PRKCQ: variants seen among roughly 807,000 people sequenced by gnomAD.
PRKCQ encodes protein kinase C theta type.
PRKCQ carries 41 observed loss-of-function variants against 91.2 expected under a neutral mutation model. That is an observed-to-expected ratio of 0.45 (90% CI 0.35 to 0.58). The LOEUF is 0.58. Among genes scored for constraint, PRKCQ ranks in the 20% least tolerant of loss-of-function variants. The probability of loss-of-function intolerance (pLI) is 0.00; values close to 1 mark genes in which losing one functional copy is unlikely to be tolerated. For missense variants in PRKCQ, 673 were observed against 896.5 expected (o/e 0.75, Z 3.18); for synonymous variants, 307 against 316.9 (o/e 0.97, Z 0.33).
chr10:6,411,257 A>G, the PRKCQ span, among the ~76,000 whole-genome samples: 1 of 152,298 alleles, frequency 6.6e-6, no homozygotes, highest in East Asian at 1.9e-4. Context: ...TATAGTCATT[A>G]TGGAGATTAA....
chr10:6,559,985 C>T (rs1010910978), intron 1 of PRKCQ, among the ~76,000 whole-genome samples: 40 of 152,070 alleles, frequency 2.6e-4, no homozygotes, highest in African/African-American at 6.8e-4. Flanking sequence ...TATTGTCTTT[C>T]TACTCCAAAA....
At chr10:6,512,069 C>T (rs116751258) in intron 2 of PRKCQ, 79 of 152,322 alleles carry the variant, frequency 5.2e-4, no homozygotes, top group African/African-American at 1.9e-3. Flanking sequence ...TAAACATAGT[C>T]AATACAAAAC....
intron 10 of PRKCQ, among the ~76,000 whole-genome samples, 174 bp from the exon 11 acceptor site, chr10:6,483,774 G>A (rs1836746517): frequency 1.3e-5 from 2 of 152,176 alleles, no homozygotes; most frequent in South Asian, 2.1e-4. Context: ...CCATCTGTCT[G>A]TGAGGGCAGC....
intron 4 of PRKCQ, among the ~76,000 whole-genome samples, chr10:6,500,003 C>T (rs965186709): frequency 6.6e-6 from 1 of 152,196 alleles, no homozygotes; most frequent in African/African-American, 2.4e-5. Context: ...AAAGCATTTC[C>T]AGTAACCCTC....
chr10:6,517,133 G>GT (rs1385999918), intron 1 of PRKCQ, among the ~76,000 whole-genome samples: 1 of 152,124 alleles, frequency 6.6e-6, no homozygotes, highest in Admixed American at 6.5e-5. Flanking sequence ...TCAGGTGTGA[G>GT]TTTTTCAGGC....
the PRKCQ span, among the ~76,000 whole-genome samples, chr10:6,395,593 G>A: frequency 4.3e-3 from 658 of 152,172 alleles, 4 homozygotes; most frequent in African/African-American, 0.015. Context: ...CTAATCTTGT[G>A]GCTAATTTCT....
intron 1 of PRKCQ, among the ~76,000 whole-genome samples, chr10:6,565,634 C>T (rs1411320855): frequency 1.3e-5 from 2 of 152,162 alleles, no homozygotes; most frequent in Non-Finnish European, 1.5e-5. Context: ...TCTCCTAAAG[C>T]ACTTTTAGTC....
intron 13 of PRKCQ, 116 bp downstream of exon 13, chr10:6,464,197 C>T (rs1564320573): frequency 1.1e-6 from 1 of 877,978 alleles, no homozygotes; most frequent in Non-Finnish European, 1.9e-6. Context: ...CGATGTATTC[C>T]CAAGGGTTCA....
chr10:6,404,435 T>C, the PRKCQ span, among the ~76,000 whole-genome samples: 4 of 148,744 alleles, frequency 2.7e-5, no homozygotes, highest in Non-Finnish European at 6.0e-5. Flanking sequence ...TTTCTTTCTC[T>C]CTTTCTTTCT....
chr10:6,543,089 C>A (rs1005761695), intron 1 of PRKCQ, among the ~76,000 whole-genome samples: 1 of 152,198 alleles, frequency 6.6e-6, no homozygotes, highest in African/African-American at 2.4e-5. Flanking sequence ...GGGCCCTGCC[C>A]TCCCTGGAGA....
intron 3 of PRKCQ, 106 bp from the exon 4 acceptor site, chr10:6,507,602 C>A (rs2130849231): frequency 3.1e-6 from 3 of 966,550 alleles, no homozygotes; most frequent in South Asian, 2.6e-5. Flanking sequence ...CCACAGAATA[C>A]AATCATTGTT....
At chr10:6,513,063 A>G (rs531432616) in intron 2 of PRKCQ, among the ~76,000 whole-genome samples, 2 of 152,322 alleles carry the variant, frequency 1.3e-5, no homozygotes, top group East Asian at 3.9e-4. Flanking sequence ...TCCCCAAAGC[A>G]AGGCACTTTT....
At chr10:6,420,280 C>A in the PRKCQ span, among the ~76,000 whole-genome samples, 2 of 152,180 alleles carry the variant, frequency 1.3e-5, no homozygotes, top group African/African-American at 4.8e-5. Context: ...CACACCATGC[C>A]TTCGAATCTG....
intron 1 of PRKCQ, among the ~76,000 whole-genome samples, chr10:6,579,993 G>A (rs899153020): frequency 5.3e-5 from 8 of 152,080 alleles, no homozygotes; most frequent in African/African-American, 1.9e-4. Context: ...CCAGCATCCC[G>A]CATCCCGTGC....
chr10:6,439,688 A>G (rs1833870925), intron 16 of PRKCQ, among the ~76,000 whole-genome samples: 1 of 102,774 alleles, frequency 9.7e-6, no homozygotes, highest in South Asian at 2.5e-4. Flanking sequence ...TTCTTAATAG[A>G]ATTTTCTTCT....
At chr10:6,403,399 G>A in the PRKCQ span, among the ~76,000 whole-genome samples, 1 of 152,146 alleles carries the variant, frequency 6.6e-6, no homozygotes, top group African/African-American at 2.4e-5. Flanking sequence ...AATGATCCAG[G>A]CAGCTTGGTT....
intron 16 of PRKCQ, among the ~76,000 whole-genome samples, chr10:6,440,303 G>C (rs754692528): frequency 5.9e-5 from 9 of 152,234 alleles, no homozygotes; most frequent in Non-Finnish European, 1.2e-4. Context: ...CAGTGAGAGA[G>C]TCTTGCAGAA....
chr10:6,460,051 C>A (rs964011594), intron 14 of PRKCQ, among the ~76,000 whole-genome samples: 1 of 152,176 alleles, frequency 6.6e-6, no homozygotes, highest in Non-Finnish European at 1.5e-5. Flanking sequence ...CAACTTATTT[C>A]TTATTATGCA....
chr10:6,481,168 AAACCT>A (rs1836579207), intron 11 of PRKCQ, among the ~76,000 whole-genome samples: 1 of 152,128 alleles, frequency 6.6e-6, no homozygotes, highest in Non-Finnish European at 1.5e-5. Context: ...GGAGTGGGGG[AAACCT>A]GGGGCTCCCA....
Sources: gnomAD v4.1 joint callset for allele counts (sites outside exome capture counted in the v4.1 genomes callset) on GRCh38, gnomAD v4.1.1 for gene constraint, MANE v1.5 for transcripts, NCBI Gene and HGNC (gene_info 2026-07-23, HGNC 2026-07-21) for gene names.